The following ARMC3 variants were observed in gnomAD, a reference collection of about 807,000 sequenced individuals.
ARMC3 encodes the protein armadillo repeat containing 3.
Under a neutral mutation model 90.3 loss-of-function variants are expected in ARMC3, and 74 were observed. That is an observed-to-expected ratio of 0.82 (90% CI 0.68 to 0.99). The LOEUF (loss-of-function observed/expected upper bound fraction) is 0.99, where lower values mean the gene tolerates loss of function less well. ARMC3 is among the 50% of genes least tolerant of loss of function. The pLI, the probability that ARMC3 is intolerant of heterozygous loss-of-function variation, is 0.00. For synonymous variants in ARMC3, 334 were observed against 361.8 expected, an observed-to-expected ratio of 0.92 and a Z score of 0.87; for missense variants, 958 against 1,042.8, an observed-to-expected ratio of 0.92 and a Z score of 1.12.
At chr10:22,982,753 T>C (rs574188433) in intron 10 of ARMC3, among the ~76,000 whole-genome samples, 1 of 152,336 alleles carries the variant, frequency 6.6e-6, no homozygotes, top group East Asian at 1.9e-4. Flanking sequence ...GTTAGTTAGC[T>C]TTCATTTATT....
rs1564386658 is a variant in ARMC3, at chr10:23,003,286, CG to C, written c.1605del (p.Asn537IlefsTer18). The C allele has an allele frequency of 6.2e-7, 1 of 1,612,662 alleles. No homozygotes were observed. Among genetic ancestry groups the C allele is most frequent in the East Asian group, 2.2e-5 (1 of 44,806 alleles). On this transcript the variant is annotated frameshift_variant, in exon 13 of 19. Transcript: ENST00000298032. LOFTEE classifies it high-confidence loss of function. ...ILEEVNVSGT[R>X]KNKFSEAAYN... Reference sequence around the variant, plus strand: ...TGAAGAAGTTAACGTATCAGGAACTCGGAAAAATAAATTCAGTGAGGCAGCT... The same window carrying C: ...TGAAGAAGTTAACGTATCAGGAACTCGAAAAATAAATTCAGTGAGGCAGCT...
At chr10:23,027,155 G>GA (rs1838743177) in intron 16 of ARMC3, among the ~76,000 whole-genome samples, 1 of 152,078 alleles carries the variant, frequency 6.6e-6, no homozygotes, top group Non-Finnish European at 1.5e-5. Flanking sequence ...TATATGTCTA[G>GA]AAAAAACCGC....
At chr10:23,015,380 A>C (rs1838228854) in intron 16 of ARMC3, among the ~76,000 whole-genome samples, 1 of 152,180 alleles carries the variant, frequency 6.6e-6, no homozygotes, top group Admixed American at 6.5e-5. Flanking sequence ...CATATCTAAC[A>C]TTTCTTCTAA....
chr10:22,970,400 G>A (rs995209962), intron 8 of ARMC3, among the ~76,000 whole-genome samples: 4 of 152,330 alleles, frequency 2.6e-5, no homozygotes, highest in Non-Finnish European at 5.9e-5. Context: ...GGCTATGGAC[G>A]TGGTGAGGAG....
chr10:22,977,033 T>C (rs1228041956), intron 8 of ARMC3, among the ~76,000 whole-genome samples: 1 of 152,188 alleles, frequency 6.6e-6, no homozygotes, highest in East Asian at 1.9e-4. Flanking sequence ...AACTCTCCCT[T>C]GTGGTCTGGA....
rs1199277959 is a variant in ARMC3 at position 23,010,851 on chromosome 10, T to A, written c.2045+1920T>A. Among the ~76,000 whole-genome samples the A allele has an allele frequency of 5.5e-4, 52 of 93,782 alleles. 1 individual carries two copies. Among genetic ancestry groups the A allele is most frequent in the African/African-American group, 1.8e-3 (47 of 26,042 alleles). The allele number at this position is 93,782 out of a possible 152,430, so 61.5% of individuals were successfully genotyped here. On this transcript the variant is annotated intron_variant, in intron 16 of 18. Transcript: ENST00000298032. ...TCTCCTCTCCTTCCCTTGCCTCTCC[T>A]CTCCTTCCCTTGCCTCTCCTCTCCT...
chr10:23,015,304 G>A (rs982570097), intron 16 of ARMC3, among the ~76,000 whole-genome samples: 2 of 152,184 alleles, frequency 1.3e-5, no homozygotes, highest in Non-Finnish European at 2.9e-5. Flanking sequence ...AACACTCATA[G>A]GAGACGTGAT....
At chr10:22,963,476 C>A (rs1332907073) in intron 7 of ARMC3, among the ~76,000 whole-genome samples, 1 of 152,158 alleles carries the variant, frequency 6.6e-6, no homozygotes, top group Non-Finnish European at 1.5e-5. Context: ...TTCTTCTCCA[C>A]ATCCTCACCT....
intron 2 of ARMC3, among the ~76,000 whole-genome samples, chr10:22,943,959 G>GATTCAC (rs1834422874): frequency 6.6e-6 from 1 of 151,636 alleles, no homozygotes; most frequent in Non-Finnish European, 1.5e-5. Context: ...ATTGTATTAT[G>GATTCAC]ATTCACATCA....
rs147535769 is a variant in ARMC3 at position 23,037,500 on chromosome 10, G to T, written c.*21G>T. 2,221 of 1,597,034 alleles carry T rather than the reference G, an allele frequency of 1.4e-3. 28 individuals are homozygous for T. In the African/African-American group the frequency reaches 0.026, roughly 19 times the overall value. ...TTTAAGCCATCAGACGAACACAAGA[G>T]AGGCTCAAACAAGAAATTCACTGTG... On this transcript the variant is annotated 3_prime_UTR_variant, in exon 19 of 19. Transcript: ENST00000298032.
At chr10:22,967,451 A>G (rs2131286849) in intron 7 of ARMC3, among the ~76,000 whole-genome samples, 1 of 152,238 alleles carries the variant, frequency 6.6e-6, no homozygotes, top group East Asian at 1.9e-4. Context: ...TCCTATAAAC[A>G]ACCAAATATT....
rs188748446 is a variant in ARMC3, at chr10:22,947,313, A to C, written c.166+1052A>C. 3.3e-3 allele frequency among the ~76,000 whole-genome samples: 451 copies of C among 136,544 alleles called. 1 individual carries two copies. The highest frequency in any genetic ancestry group is 0.012 in the African/African-American group (364 of 31,104). 89.6% of individuals were successfully genotyped at this position (136,544 alleles called of 152,430 possible). On this transcript the variant is annotated intron_variant, in intron 3 of 18. Transcript: ENST00000298032. ...AGAGAGAGACCCTGTCTCAAAAAACAAACCAACCAACCAAAAAAAAAAAAC... is the reference window on the plus strand; with the variant it reads ...AGAGAGAGACCCTGTCTCAAAAAACCAACCAACCAACCAAAAAAAAAAAAC...
At chr10:22,974,146 G>C (rs890261766) in intron 8 of ARMC3, among the ~76,000 whole-genome samples, 9 of 151,896 alleles carry the variant, frequency 5.9e-5, no homozygotes, top group African/African-American at 1.9e-4. Context: ...TTGCTCTTTA[G>C]CTTTTGATTC....
At chr10:22,943,147 G>T (rs1564341745) in intron 2 of ARMC3, among the ~76,000 whole-genome samples, 1 of 152,166 alleles carries the variant, frequency 6.6e-6, no homozygotes, top group South Asian at 2.1e-4. Flanking sequence ...TATTCTGGAA[G>T]ATCAAGTGGA....
At chr10:23,023,494 ACAAT>A (rs1838591400) in intron 16 of ARMC3, among the ~76,000 whole-genome samples, 1 of 152,192 alleles carries the variant, frequency 6.6e-6, no homozygotes, top group African/African-American at 2.4e-5. Context: ...ATGAGAAATG[ACAAT>A]CAATTAATGC....
intron 4 of ARMC3, among the ~76,000 whole-genome samples, chr10:22,957,270 G>A (rs1471501237): frequency 1.3e-5 from 2 of 152,186 alleles, no homozygotes; most frequent in Non-Finnish European, 2.9e-5. Flanking sequence ...TGGTATGAGT[G>A]TGTTCAGGGA....
intron 16 of ARMC3, among the ~76,000 whole-genome samples, chr10:23,012,787 A>G (rs1026131724): frequency 4.1e-4 from 61 of 148,374 alleles, no homozygotes; most frequent in Non-Finnish European, 6.4e-4. Context: ...ATGTTATTCA[A>G]TCACATCAAC....
chr10:23,000,702 T>C (rs928246347), intron 11 of ARMC3, among the ~76,000 whole-genome samples: 2 of 152,218 alleles, frequency 1.3e-5, no homozygotes, highest in Non-Finnish European at 2.9e-5. Flanking sequence ...TCAAGTGAAC[T>C]TTCTAAGCTG....
chr10:23,037,605 T>C lies in ARMC3; in HGVS notation c.*126T>C. The C allele has an allele frequency of 1.1e-6, 1 of 919,534 alleles. No individual in the cohort carries two copies. The highest frequency in any genetic ancestry group is 3.3e-5 in the Admixed American group (1 of 30,716). The allele number at this position is 919,534 out of a possible 1,614,324, so 57.0% of individuals were successfully genotyped here. A position where few individuals can be genotyped will look rare whatever the true frequency, so the allele number is the denominator to read the frequency against. ...AAATAAAAGTATTAGAAATGTTTTC[T>C]CTGCGTAGAAATTAGGAAGCTTGGA... On this transcript the variant is annotated 3_prime_UTR_variant, in exon 19 of 19. Transcript: ENST00000298032.
Sources: gnomAD v4.1 joint callset for allele counts (sites outside exome capture counted in the v4.1 genomes callset) on GRCh38, gnomAD v4.1.1 for gene constraint, MANE v1.5 for transcripts, NCBI Gene and HGNC (gene_info 2026-07-23, HGNC 2026-07-21) for gene names.